The following ZCCHC2 variants were observed in gnomAD, a reference collection of about 807,000 sequenced individuals.
The protein encoded by ZCCHC2 is zinc finger CCHC-type containing 2.
A neutral mutation model predicts 103.6 loss-of-function variants in ZCCHC2; 39 were observed. The ratio of observed to expected loss-of-function variants is 0.38; its 90% CI spans 0.29 to 0.49. ZCCHC2 has a LOEUF of 0.49. Among genes scored for constraint, ZCCHC2 ranks in the 20% least tolerant of loss-of-function variants. The pLI is 0.96. For missense variants in ZCCHC2, 1,483 were observed against 1,491.0 expected, an observed-to-expected ratio of 0.99 and a Z score of 0.09; for synonymous variants, 687 against 608.9, an observed-to-expected ratio of 1.13 and a Z score of -1.89.
At chr18:62,530,931 T>G (rs1444172186) in intron 1 of ZCCHC2, among the ~76,000 whole-genome samples, 1 of 152,232 alleles carries the variant, frequency 6.6e-6, no homozygotes, top group East Asian at 1.9e-4. Flanking sequence ...TACATGATTC[T>G]TTGTTAGTTC....
At chr18:62,543,667 C>T (rs1915295355) in intron 3 of ZCCHC2, among the ~76,000 whole-genome samples, 1 of 152,214 alleles carries the variant, frequency 6.6e-6, no homozygotes, top group Admixed American at 6.5e-5. Context: ...TCTAAAGCTC[C>T]CTCCTCCGAG....
intron 11 of ZCCHC2, among the ~76,000 whole-genome samples, chr18:62,565,668 T>C (rs924079020): frequency 2.0e-5 from 3 of 152,198 alleles, no homozygotes; most frequent in Admixed American, 1.3e-4. Flanking sequence ...GCTTCATTGA[T>C]TTTGTTTATC....
chr18:62,554,185 C>G (rs914816648), intron 5 of ZCCHC2, among the ~76,000 whole-genome samples: 1 of 152,190 alleles, frequency 6.6e-6, no homozygotes, highest in African/African-American at 2.4e-5. Flanking sequence ...TGTCAGGACA[C>G]TTCCTTCTCA....
At chr18:62,543,589 T>C (rs1915291344) in intron 3 of ZCCHC2, among the ~76,000 whole-genome samples, 1 of 152,204 alleles carries the variant, frequency 6.6e-6, no homozygotes, top group African/African-American at 2.4e-5. Context: ...TCCTAAAGGC[T>C]TCACTGTCCT....
chr18:62,579,416 C>T (rs1348009036), downstream of ZCCHC2, among the ~76,000 whole-genome samples: 1 of 152,132 alleles, frequency 6.6e-6, no homozygotes, highest in Non-Finnish European at 1.5e-5. Flanking sequence ...TGTGTTGCTC[C>T]ACGCCGCCCT....
chr18:62,555,701 G>A (rs1915856814), intron 5 of ZCCHC2, among the ~76,000 whole-genome samples: 2 of 152,104 alleles, frequency 1.3e-5, no homozygotes, highest in African/African-American at 2.4e-5. Flanking sequence ...CCAGCTACTC[G>A]GGATGCTGAG....
At chr18:62,527,752 C>T (rs913995457) in intron 1 of ZCCHC2, among the ~76,000 whole-genome samples, 32 of 152,188 alleles carry the variant, frequency 2.1e-4, no homozygotes, top group Non-Finnish European at 4.4e-5. Flanking sequence ...AAGTTACAGA[C>T]TGCTTATATA....
At chr18:62,544,680 T>C (rs1915337889) in intron 3 of ZCCHC2, 122 bp from the exon 4 acceptor site, 1 of 741,316 alleles carries the variant, frequency 1.3e-6, no homozygotes, top group East Asian at 3.0e-5. Context: ...ATTAACTTTA[T>C]ATTTCTAACT....
rs1264461006 is a variant in ZCCHC2, at chr18:62,577,530, G to C, written c.*951G>C. 2 of 152,560 alleles carry C rather than the reference G, an allele frequency of 1.3e-5. No homozygotes were observed. The highest frequency in any genetic ancestry group is 4.8e-5 in the African/African-American group (2 of 41,414). The allele number at this position is 152,560 out of a possible 1,614,324, so 9.5% of individuals were successfully genotyped here. On this transcript the variant is annotated 3_prime_UTR_variant, in exon 14 of 14. Transcript: ENST00000269499. ...CCTGTACCAGCTGTTACAGTGTTAC[G>C]TTGTGTTTAAAATGTGTATGGTTTA...
At chr18:62,583,849 G>A (rs1917097698) in intron 14 of ZCCHC2, among the ~76,000 whole-genome samples, 1 of 152,082 alleles carries the variant, frequency 6.6e-6, no homozygotes, top group Non-Finnish European at 1.5e-5. Context: ...GGGGCTCTGG[G>A]GTCCCAGGGC....
intron 9 of ZCCHC2, among the ~76,000 whole-genome samples, chr18:62,563,689 TAA>T (rs1334533060): frequency 6.6e-6 from 1 of 152,198 alleles, no homozygotes; most frequent in Non-Finnish European, 1.5e-5. Flanking sequence ...ATAAAAATTT[TAA>T]AAATAATACC....
intron 3 of ZCCHC2, among the ~76,000 whole-genome samples, chr18:62,544,069 CA>C (rs1235280420): frequency 1.3e-5 from 2 of 152,136 alleles, no homozygotes; most frequent in East Asian, 1.9e-4. Flanking sequence ...TAGCATAGTG[CA>C]AATATTTATT....
At chr18:62,566,891 C>G (rs185805682) in intron 11 of ZCCHC2, among the ~76,000 whole-genome samples, 1 of 152,200 alleles carries the variant, frequency 6.6e-6, no homozygotes, top group Non-Finnish European at 1.5e-5. Flanking sequence ...AATTTAGTTC[C>G]TTTTCCTTGT....
intron 2 of ZCCHC2, 74 bp downstream of exon 2, chr18:62,539,866 C>A: frequency 2.5e-6 from 3 of 1,219,686 alleles, no homozygotes; most frequent in Non-Finnish European, 3.5e-6. Context: ...CGCTGATTAA[C>A]TCTAAACTTT....
intron 6 of ZCCHC2, among the ~76,000 whole-genome samples, chr18:62,556,782 C>T (rs1915903038): frequency 6.6e-6 from 1 of 152,196 alleles, no homozygotes; most frequent in African/African-American, 2.4e-5. Flanking sequence ...CGTCACCATC[C>T]CTTTGTTTAC....
At chr18:62,545,872 G>A (rs1915386444) in intron 4 of ZCCHC2, among the ~76,000 whole-genome samples, 1 of 152,168 alleles carries the variant, frequency 6.6e-6, no homozygotes, top group Non-Finnish European at 1.5e-5. Context: ...ATCTATGAGA[G>A]ACTTTTATTC....
intron 8 of ZCCHC2, 69 bp from the exon 9 acceptor site, chr18:62,562,940 C>A (rs1344050866): frequency 2.0e-6 from 3 of 1,525,524 alleles, no homozygotes; most frequent in East Asian, 4.6e-5. Flanking sequence ...ACTGTAACTT[C>A]TTTGTTGAAA....
intron 1 of ZCCHC2, among the ~76,000 whole-genome samples, chr18:62,538,793 G>C (rs1339150265): frequency 1.3e-5 from 2 of 152,190 alleles, no homozygotes; most frequent in African/African-American, 4.8e-5. Flanking sequence ...ATTGAGATTT[G>C]TGGGGAGCTT....
chr18:62,528,281 C>G (rs1914524313), intron 1 of ZCCHC2, among the ~76,000 whole-genome samples: 1 of 152,216 alleles, frequency 6.6e-6, no homozygotes. Context: ...CCTTCACTTA[C>G]TAAAAGTAGT....
Sources: gnomAD v4.1 joint callset for allele counts (sites outside exome capture counted in the v4.1 genomes callset) on GRCh38, gnomAD v4.1.1 for gene constraint, MANE v1.5 for transcripts, NCBI Gene and HGNC (gene_info 2026-07-23, HGNC 2026-07-21) for gene names.